CDH10: variants seen among roughly 807,000 people sequenced by gnomAD.
The protein encoded by CDH10 is cadherin 10, also known as cadherin-10.
CDH10 carries 30 observed loss-of-function variants against 73.1 expected under a neutral mutation model. The ratio of observed to expected loss-of-function variants is 0.41; its 90% CI spans 0.31 to 0.56. The LOEUF is 0.56. CDH10 is among the 20% of genes least tolerant of loss of function. The pLI is 0.27. For missense variants in CDH10, 815 were observed against 973.7 expected (o/e 0.84, Z 2.17); for synonymous variants, 345 against 348.2 (o/e 0.99, Z 0.10).
At chr5:24,600,841 A>G (rs1746537325) in intron 1 of CDH10, among the ~76,000 whole-genome samples, 1 of 152,166 alleles carries the variant, frequency 6.6e-6, no homozygotes, top group African/African-American at 2.4e-5. Flanking sequence ...TTCTAAGGTG[A>G]CTAAGTTCAA....
intron 1 of CDH10, among the ~76,000 whole-genome samples, chr5:24,621,387 C>T (rs1747311926): frequency 6.6e-6 from 1 of 152,182 alleles, no homozygotes; most frequent in Admixed American, 6.5e-5. Context: ...CCATAAAAAG[C>T]TCGCTTCCAT....
At chr5:24,590,509 G>C (rs1438633513) in intron 2 of CDH10, among the ~76,000 whole-genome samples, 1 of 151,816 alleles carries the variant, frequency 6.6e-6, no homozygotes, top group African/African-American at 2.4e-5. Flanking sequence ...AGAAACAGTG[G>C]CAAAAACAAT....
intron 1 of CDH10, among the ~76,000 whole-genome samples, chr5:24,607,357 C>T (rs1166460669): frequency 6.6e-6 from 1 of 151,940 alleles, no homozygotes; most frequent in Non-Finnish European, 1.5e-5. Context: ...TATGATGGAA[C>T]AGAACAAAAA....
chr5:24,582,151 G>C (rs753229477), intron 2 of CDH10, among the ~76,000 whole-genome samples: 1 of 152,040 alleles, frequency 6.6e-6, no homozygotes, highest in Non-Finnish European at 1.5e-5. Context: ...AGAAATGATC[G>C]TAGGAGCATT....
Position 24,537,622 on chromosome 5 carries a change from C to G in CDH10, c.284G>C (p.Gly95Ala), listed in dbSNP as rs2111896863. The change falls in exon 3 of 12, where the codon GGA (glycine) becomes GCA (alanine). Residue 95 changes from glycine (G) to alanine (A), a missense_variant. Physicochemically the swap from Gly to Ala is moderately conservative, Grantham distance 60 (BLOSUM62 0). Coordinates refer to ENST00000264463, the MANE Select transcript of CDH10 (RefSeq NM_006727.5). ...GDGSLKYILS[G>A]DGAGTLFIID... ...AATAAAAAGAGTACCAGCTCCATCT[C>G]CAGATAAGATATATTTGAGTGATCC... 1 of 1,604,874 alleles carries G rather than the reference C, an allele frequency of 6.2e-7. No individual in the cohort carries two copies. The highest frequency in any genetic ancestry group is 8.5e-7 in the Non-Finnish European group (1 of 1,172,150).
At chr5:24,635,204 C>A (rs1747829001) in intron 1 of CDH10, among the ~76,000 whole-genome samples, 1 of 151,876 alleles carries the variant, frequency 6.6e-6, no homozygotes, top group Admixed American at 6.6e-5. Context: ...ATATAGACTG[C>A]AGAATTATTC....
At chr5:24,539,206 A>T (rs893988243) in intron 2 of CDH10, among the ~76,000 whole-genome samples, 9 of 152,008 alleles carry the variant, frequency 5.9e-5, no homozygotes, top group African/African-American at 2.2e-4. Flanking sequence ...ACATAGAGTT[A>T]CGTATTTACC....
At chr5:24,541,756 A>G (rs1229173286) in intron 2 of CDH10, among the ~76,000 whole-genome samples, 1 of 152,080 alleles carries the variant, frequency 6.6e-6, no homozygotes, top group Non-Finnish European at 1.5e-5. Context: ...AAAGAATTTT[A>G]TGTTAATACT....
rs1367647789 is a variant in CDH10, at chr5:24,487,104, T to C, written c.*559A>G. On this transcript the variant is annotated 3_prime_UTR_variant, in exon 12 of 12. Coordinates refer to ENST00000264463, the MANE Select transcript of CDH10 (RefSeq NM_006727.5). ...AAAAAGAAGCTACAGACAAAGTAGT[T>C]GTAAAAACTGGTTTATTTTTTTAAA... 6.6e-6 allele frequency: 1 copy of C among 152,534 alleles called. No individual in the cohort carries two copies. Among genetic ancestry groups the C allele is most frequent in the Admixed American group, 6.6e-5 (1 of 15,262 alleles). 9.4% of individuals were successfully genotyped at this position (152,534 alleles called of 1,614,324 possible).
At chr5:24,643,177 TCG>T (rs1454846011) in intron 1 of CDH10, among the ~76,000 whole-genome samples, 7 of 151,980 alleles carry the variant, frequency 4.6e-5, no homozygotes, top group Non-Finnish European at 8.8e-5. Flanking sequence ...TTTAGTACAC[TCG>T]GGGGAGCGGG....
intron 5 of CDH10, among the ~76,000 whole-genome samples, chr5:24,528,667 CTG>C (rs1743621705): frequency 6.6e-6 from 1 of 151,956 alleles, no homozygotes; most frequent in South Asian, 2.1e-4. Context: ...TATGATTTAC[CTG>C]TCTCTGTATC....
chr5:24,573,700 C>CAA (rs529427692), intron 2 of CDH10, among the ~76,000 whole-genome samples: 4 of 73,132 alleles, frequency 5.5e-5, no homozygotes, highest in Non-Finnish European at 1.1e-4. Flanking sequence ...GACTCCATCT[C>CAA]AAAAAAAAAA....
chr5:24,524,121 T>C (rs1398003383), intron 5 of CDH10, among the ~76,000 whole-genome samples: 1 of 152,164 alleles, frequency 6.6e-6, no homozygotes, highest in Non-Finnish European at 1.5e-5. Flanking sequence ...GTTCCCTACA[T>C]ACAGAAGTTA....
chr5:24,576,712 T>A (rs1745612693), intron 2 of CDH10, among the ~76,000 whole-genome samples: 1 of 152,030 alleles, frequency 6.6e-6, no homozygotes, highest in African/African-American at 2.4e-5. Flanking sequence ...AAGAGACAAA[T>A]ATCCTACAGA....
intron 2 of CDH10, among the ~76,000 whole-genome samples, chr5:24,544,658 T>C (rs1449119883): frequency 6.6e-6 from 1 of 152,156 alleles, no homozygotes; most frequent in African/African-American, 2.4e-5. Context: ...CTTGTGCTTG[T>C]GGCCACTTCT....
In CDH10 at chr5:24,578,451, A is replaced by C. The variant is rs551372523; in HGVS notation, c.231+14809T>G. ...ATTCCTTTGCCATACAAAGAGTAAT[A>C]GTCTGGTTTAAGAATCTCTGCTTCA... On this transcript the variant is annotated intron_variant, in intron 2 of 11. Coordinates refer to ENST00000264463, the MANE Select transcript of CDH10 (RefSeq NM_006727.5). 6.8e-5 allele frequency: 24 copies of C among 353,630 alleles called. No individual in the cohort carries two copies. In the Admixed American group the frequency reaches 7.4e-4, roughly 11 times the overall value. 21.9% of individuals were successfully genotyped at this position (353,630 alleles called of 1,614,324 possible).
rs150258273 is a variant in CDH10 at position 24,525,189 on chromosome 5, C to T, written c.814+9923G>A. Among the ~76,000 whole-genome samples, 30 of 151,976 alleles carry T rather than the reference C, an allele frequency of 2.0e-4. 1 individual carries two copies. In the East Asian group the frequency reaches 4.7e-3, roughly 24 times the overall value. ...GCTTACCTCTAGGTTTTGAGTTTAG[C>T]GACAAACAGCTGCTGTTTCTTTTTG... is the stretch of plus-strand genomic sequence containing the variant. On this transcript the variant is annotated intron_variant, in intron 5 of 11. Transcript: ENST00000264463.
At chr5:24,558,746 C>A (rs1166921104) in intron 2 of CDH10, among the ~76,000 whole-genome samples, 2 of 151,608 alleles carry the variant, frequency 1.3e-5, no homozygotes, top group East Asian at 3.9e-4. Context: ...TATATTATTA[C>A]CATTTATATC....
At chr5:24,514,829 T>A (rs1159374391) in intron 5 of CDH10, among the ~76,000 whole-genome samples, 1 of 151,976 alleles carries the variant, frequency 6.6e-6, no homozygotes, top group African/African-American at 2.4e-5. Context: ...ATTTTAAATA[T>A]AAGGAATATT....
Sources: allele counts gnomAD v4.1 joint callset (sites outside exome capture counted in the v4.1 genomes callset), GRCh38; gene constraint gnomAD v4.1.1; transcripts MANE v1.5; gene names NCBI Gene and HGNC (gene_info 2026-07-23, HGNC 2026-07-21).